Variants in DPP6 observed in about 807,000 individuals in gnomAD.
DPP6 encodes dipeptidyl peptidase like 6.
Under a neutral mutation model 122.6 loss-of-function variants are expected in DPP6, and 69 were observed. That is an observed-to-expected ratio of 0.56 (90% CI 0.46 to 0.69). DPP6 has a LOEUF of 0.69. Ranked by LOEUF, DPP6 falls within the 30% of genes least tolerant of loss-of-function variation. DPP6 has a pLI of 0.00. For missense variants in DPP6, 928 were observed against 1,116.9 expected (o/e 0.83, Z 2.41); for synonymous variants, 418 against 433.1 (o/e 0.97, Z 0.43).
At chr7:153,924,211 C>T (rs998678524) in intron 1 of DPP6, among the ~76,000 whole-genome samples, 6 of 151,868 alleles carry the variant, frequency 4.0e-5, no homozygotes, top group Non-Finnish European at 7.4e-5. Flanking sequence ...TGAGTTCAAG[C>T]GATTCTCCTG....
chr7:154,034,780 G>A (rs1300095252), intron 1 of DPP6, among the ~76,000 whole-genome samples: 1 of 150,852 alleles, frequency 6.6e-6, no homozygotes, highest in Non-Finnish European at 1.5e-5. Flanking sequence ...AATTGCACTT[G>A]TGTTTCCATC....
chr7:154,439,952 G>A (rs182049167), intron 1 of DPP6, among the ~76,000 whole-genome samples: 1 of 152,314 alleles, frequency 6.6e-6, no homozygotes, highest in Admixed American at 6.5e-5. Flanking sequence ...GGGAGAGCCT[G>A]AGCAGTGAGA....
intron 1 of DPP6, among the ~76,000 whole-genome samples, chr7:154,032,113 ATCCTCCC>A (rs1799274365): frequency 1.3e-5 from 2 of 150,498 alleles, no homozygotes; most frequent in South Asian, 4.2e-4. Flanking sequence ...TGACCTTGTG[ATCCTCCC>A]GCCTCAGCCT....
chr7:154,463,586 A>G (rs575313529), intron 2 of DPP6, among the ~76,000 whole-genome samples: 7 of 152,164 alleles, frequency 4.6e-5, no homozygotes, highest in Non-Finnish European at 1.0e-4. Flanking sequence ...ACCTGAAGCC[A>G]GCCTGTCTCT....
At position 153,973,632 on chromosome 7, in the gene DPP6, CGTGTGTGTGTGTGTGTGT is replaced by C. The variant is rs773321136; in HGVS notation, c.51+85925_51+85942del. ...TTAGAGTAACGTGTTCACCATCGCT[CGTGTGTGTGTGTGTGTGT>C]GTGTGTGTGTGTGTGTGTGTGTGTG... On this transcript the variant is annotated intron_variant, in intron 1 of 25. Transcript: ENST00000404039. 1.0e-3 allele frequency among the ~76,000 whole-genome samples: 115 copies of C among 113,156 alleles called. 1 individual carries two copies. Among genetic ancestry groups the C allele is most frequent in the Middle Eastern group, 9.1e-3 (2 of 220 alleles). 74.2% of individuals were successfully genotyped at this position (113,156 alleles called of 152,430 possible). A position where few individuals can be genotyped will look rare whatever the true frequency, so the allele number is the denominator to read the frequency against.
At chr7:153,898,948 A>C (rs10245002) in intron 1 of DPP6, among the ~76,000 whole-genome samples, 36,396 of 152,164 alleles carry the variant, frequency 0.24, 4,487 homozygotes, top group East Asian at 0.36. Context: ...CATTCTGATT[A>C]GTTGGCTTTA....
chr7:153,801,232 GT>G, the DPP6 span, among the ~76,000 whole-genome samples: 1 of 145,486 alleles, frequency 6.9e-6, no homozygotes, highest in African/African-American at 2.6e-5. Flanking sequence ...GTGTGTTTCA[GT>G]TTTCACAGTT....
At chr7:153,773,937 A>G in the DPP6 span, among the ~76,000 whole-genome samples, 5 of 152,006 alleles carry the variant, frequency 3.3e-5, no homozygotes, top group Admixed American at 6.6e-5. Flanking sequence ...TTAAAGATCA[A>G]TAAAATTGAT....
the DPP6 span, among the ~76,000 whole-genome samples, chr7:153,765,675 G>A: frequency 5.3e-5 from 8 of 152,268 alleles, 1 homozygote; most frequent in South Asian, 1.5e-3. Flanking sequence ...AAGGATTCAC[G>A]GCAGAGTTGA....
chr7:154,545,604 A>C (rs1829124344), intron 4 of DPP6, among the ~76,000 whole-genome samples: 1 of 152,164 alleles, frequency 6.6e-6, no homozygotes, highest in South Asian at 2.1e-4. Context: ...TCTTACAAAA[A>C]TTTAACACCA....
chr7:154,629,070 T>C (rs957407469), intron 5 of DPP6, among the ~76,000 whole-genome samples: 3 of 152,202 alleles, frequency 2.0e-5, no homozygotes, highest in African/African-American at 4.8e-5. Flanking sequence ...GAAGTGTCTG[T>C]CACAGTCCAC....
At chr7:154,112,453 T>C (rs1369097452) in intron 1 of DPP6, among the ~76,000 whole-genome samples, 4 of 152,096 alleles carry the variant, frequency 2.6e-5, no homozygotes, top group Non-Finnish European at 5.9e-5. Context: ...GAGACCAGCC[T>C]GGCCAACATG....
chr7:154,404,315 G>A (rs1015872221), intron 1 of DPP6, among the ~76,000 whole-genome samples: 4 of 152,300 alleles, frequency 2.6e-5, no homozygotes, highest in Admixed American at 1.3e-4. Context: ...CAGAAGCTAC[G>A]CAGAGGAGGG....
At chr7:154,705,790 G>A (rs763873639) in intron 7 of DPP6, among the ~76,000 whole-genome samples, 4 of 152,234 alleles carry the variant, frequency 2.6e-5, no homozygotes, top group Non-Finnish European at 5.9e-5. Flanking sequence ...TAAAACATAG[G>A]CAAATACTAT....
At chr7:154,240,802 C>T (rs571736323) in intron 1 of DPP6, among the ~76,000 whole-genome samples, 34 of 152,226 alleles carry the variant, frequency 2.2e-4, no homozygotes, top group Admixed American at 2.6e-4. Context: ...ATTCTCTCCT[C>T]GGAATATCAA....
chr7:154,397,491 T>C (rs1360704305), intron 1 of DPP6, among the ~76,000 whole-genome samples: 1 of 152,236 alleles, frequency 6.6e-6, no homozygotes, highest in Non-Finnish European at 1.5e-5. Context: ...AATGTCTTTG[T>C]TATGAAGTCA....
chr7:154,414,430 G>T (rs901228871), intron 1 of DPP6, among the ~76,000 whole-genome samples: 1 of 152,100 alleles, frequency 6.6e-6, no homozygotes, highest in African/African-American at 2.4e-5. Flanking sequence ...CCTTTTAGTG[G>T]TTCTTGATCT....
chr7:153,983,278 G>T (rs1442748790), intron 1 of DPP6, among the ~76,000 whole-genome samples: 2 of 152,242 alleles, frequency 1.3e-5, no homozygotes, highest in Non-Finnish European at 2.9e-5. Flanking sequence ...CAGTCTGGCT[G>T]CAGTGGCTTG....
At position 154,875,988 on chromosome 7, in the gene DPP6, G is replaced by A; in HGVS notation, c.1966G>A (p.Val656Met). The part of the protein sequence containing the change: ...ETVMVSSHGA[V>M]VVKCDGRGSG... The stretch of plus-strand genomic sequence containing the variant: ...GGTGATGGTGAGCAGCCACGGCGCG[G>A]TGGTGGTAAAGTGTGACGGCCGTGG... Residue 656 changes from valine (V) to methionine (M), a missense_variant, in exon 20 of 26, where the codon GTG (valine) becomes ATG (methionine). Transcript: ENST00000377770. The surrounding 1 kb of genome is among the most constrained non-coding windows in gnomAD (Gnocchi z 4.5). 1 of 1,613,698 alleles carries A rather than the reference G, an allele frequency of 6.2e-7. No homozygotes were observed. The highest frequency in any genetic ancestry group is 8.5e-7 in the Non-Finnish European group (1 of 1,179,792).
Sources: gnomAD v4.1 joint callset for allele counts (sites outside exome capture counted in the v4.1 genomes callset) on GRCh38, gnomAD v4.1.1 for gene constraint, Gnocchi (gnomAD v3.1) non-coding constraint, MANE v1.5 for transcripts, NCBI Gene and HGNC (gene_info 2026-07-23, HGNC 2026-07-21) for gene names.